NBEA: variants seen among roughly 807,000 people sequenced by gnomAD.
NBEA encodes lysosomal-trafficking regulator 2.
In NBEA, 44 loss-of-function variants were observed where a neutral mutation model predicts 343.4. The ratio of observed to expected loss-of-function variants is 0.13; its 90% CI spans 0.10 to 0.16. NBEA has a LOEUF of 0.16. Ranked by LOEUF, NBEA falls within the 10% of genes least tolerant of loss-of-function variation. The probability of loss-of-function intolerance (pLI) is 1.00; values close to 1 mark genes in which losing one functional copy is unlikely to be tolerated. For synonymous variants in NBEA, 1,175 were observed against 1,238.7 expected (o/e 0.95, Z 1.08); for missense variants, 2,555 against 3,631.3 (o/e 0.70, Z 7.62).
chr13:35,509,518 G>A (rs889099428), intron 41 of NBEA, among the ~76,000 whole-genome samples: 3 of 152,162 alleles, frequency 2.0e-5, no homozygotes, highest in African/African-American at 7.2e-5. Flanking sequence ...AAAAAGCTAA[G>A]AGCCCAGTCT....
chr13:34,980,883 A>G (rs2060334232), intron 1 of NBEA, among the ~76,000 whole-genome samples: 1 of 152,106 alleles, frequency 6.6e-6, no homozygotes, highest in Non-Finnish European at 1.5e-5. Flanking sequence ...TCCTTTTATT[A>G]GTATGATAAT....
At chr13:35,554,170 T>G (rs562696507) in intron 43 of NBEA, among the ~76,000 whole-genome samples, 1 of 152,348 alleles carries the variant, frequency 6.6e-6, no homozygotes, top group South Asian at 2.1e-4. Flanking sequence ...TGTTAAATAT[T>G]TATTGAGTTG....
chr13:35,396,600 C>T (rs2152903634), intron 38 of NBEA, among the ~76,000 whole-genome samples: 1 of 152,144 alleles, frequency 6.6e-6, no homozygotes, highest in South Asian at 2.1e-4. Flanking sequence ...CACCTTGCGC[C>T]ATTGCTAGGG....
chr13:35,235,809 A>G (rs2075200405), intron 34 of NBEA, among the ~76,000 whole-genome samples: 1 of 152,194 alleles, frequency 6.6e-6, no homozygotes, highest in Non-Finnish European at 1.5e-5. Flanking sequence ...TACCTCACAT[A>G]TTCTGAATTG....
chr13:35,495,985 A>G (rs182557534), intron 41 of NBEA, among the ~76,000 whole-genome samples: 1 of 152,154 alleles, frequency 6.6e-6, no homozygotes, highest in East Asian at 1.9e-4. Flanking sequence ...GAAGTAGGAT[A>G]TAATAGTTTC....
chr13:35,603,713 C>T (rs1891717), intron 47 of NBEA, among the ~76,000 whole-genome samples: 28,441 of 152,176 alleles, frequency 0.19, 2,965 homozygotes, highest in Non-Finnish European at 0.23. Context: ...AAATAACTGA[C>T]GAAAGGCAGT....
chr13:35,035,317 A>G (rs1459703864), intron 1 of NBEA, among the ~76,000 whole-genome samples: 3 of 151,740 alleles, frequency 2.0e-5, no homozygotes, highest in East Asian at 1.9e-4. Flanking sequence ...ATGTATTTGT[A>G]TAGTTTCTGA....
At chr13:35,186,162 G>C (rs1004549614) in intron 30 of NBEA, 6 of 152,130 alleles carry the variant, frequency 3.9e-5, no homozygotes, top group Non-Finnish European at 7.3e-5. Context: ...AAATTAACCA[G>C]GCATGGTGGC....
chr13:34,996,433 G>A (rs998234767), intron 1 of NBEA, among the ~76,000 whole-genome samples: 8 of 151,766 alleles, frequency 5.3e-5, no homozygotes, highest in Non-Finnish European at 1.2e-4. Context: ...TGAAATGGTA[G>A]TCAGAGGAGT....
intron 41 of NBEA, among the ~76,000 whole-genome samples, chr13:35,480,344 C>G (rs746997469): frequency 1.3e-5 from 2 of 151,954 alleles, no homozygotes; most frequent in Admixed American, 1.3e-4. Flanking sequence ...TGCAATATTT[C>G]TTTGTTTTCG....
intron 36 of NBEA, among the ~76,000 whole-genome samples, chr13:35,330,213 A>G (rs1341544412): frequency 2.6e-5 from 4 of 152,048 alleles, no homozygotes; most frequent in Non-Finnish European, 5.9e-5. Flanking sequence ...CTAATAAGAT[A>G]TGAAGTGAAG....
intron 48 of NBEA, among the ~76,000 whole-genome samples, chr13:35,612,289 C>T (rs574263304): frequency 8.5e-5 from 13 of 152,142 alleles, no homozygotes; most frequent in Non-Finnish European, 1.0e-4. Flanking sequence ...CTCGCCACCA[C>T]GCCCGGCTAA....
intron 40 of NBEA, among the ~76,000 whole-genome samples, chr13:35,452,465 G>A (rs1230731065): frequency 1.3e-5 from 2 of 152,126 alleles, no homozygotes; most frequent in South Asian, 2.1e-4. Flanking sequence ...GTAATGAAGA[G>A]CAATTTTTTA....
chr13:35,621,852 G>T (rs2083008422), intron 48 of NBEA, among the ~76,000 whole-genome samples: 1 of 152,132 alleles, frequency 6.6e-6, no homozygotes. Flanking sequence ...ATTAGATAAA[G>T]TCCCTATCTT....
chr13:35,590,938 C>G (rs1013644382), intron 46 of NBEA, among the ~76,000 whole-genome samples: 1 of 151,992 alleles, frequency 6.6e-6, no homozygotes, highest in Non-Finnish European at 1.5e-5. Context: ...ACATTGTTAG[C>G]CATGTGCTGT....
chr13:35,636,296 GC>G (rs1475315724), intron 49 of NBEA, among the ~76,000 whole-genome samples: 3 of 152,048 alleles, frequency 2.0e-5, no homozygotes, highest in Non-Finnish European at 4.4e-5. Context: ...TTGATAATGA[GC>G]CTATTTAAAG....
chr13:35,557,119 TC>T (rs943909946), intron 44 of NBEA, among the ~76,000 whole-genome samples: 1 of 152,126 alleles, frequency 6.6e-6, no homozygotes. Flanking sequence ...TAGTTCAGTT[TC>T]CAATGTAGCA....
chr13:35,399,265 G>T (rs769705571), intron 38 of NBEA, among the ~76,000 whole-genome samples: 3 of 152,090 alleles, frequency 2.0e-5, no homozygotes, highest in Non-Finnish European at 4.4e-5. Flanking sequence ...TTTTGCTTTT[G>T]TATTAGTGTT....
chr13:34,992,649 A>T (rs932187366), intron 1 of NBEA, among the ~76,000 whole-genome samples: 5 of 151,566 alleles, frequency 3.3e-5, no homozygotes, highest in African/African-American at 9.7e-5. Flanking sequence ...GCTTTTTTTA[A>T]GGTAAAGGCT....
Sources: allele counts gnomAD v4.1 joint callset (sites outside exome capture counted in the v4.1 genomes callset), GRCh38; gene constraint gnomAD v4.1.1; transcripts MANE v1.5; gene names NCBI Gene and HGNC (gene_info 2026-07-23, HGNC 2026-07-21).